The following CFAP299 variants were observed in gnomAD, a reference collection of about 807,000 sequenced individuals.
CFAP299 encodes the protein cilia and flagella associated protein 299.
Under a neutral mutation model 27.0 loss-of-function variants are expected in CFAP299, and 21 were observed. The observed-to-expected ratio is 0.78, with a 90% CI of 0.55 to 1.12. The LOEUF (loss-of-function observed/expected upper bound fraction) is 1.12. Ranked by LOEUF, CFAP299 falls within the 50% of genes most tolerant of loss-of-function variation. The pLI is 0.00. For synonymous variants in CFAP299, 104 were observed against 98.1 expected (o/e 1.06, Z -0.36); for missense variants, 310 against 276.6 (o/e 1.12, Z -0.86).
intron 1 of CFAP299, among the ~76,000 whole-genome samples, chr4:80,344,269 A>AG (rs1052246552): frequency 1.3e-4 from 20 of 151,950 alleles, no homozygotes; most frequent in African/African-American, 4.3e-4. Flanking sequence ...GTAAAAAAAA[A>AG]AGAGAGAGAG....
chr4:80,722,709 G>A (rs1208940110), intron 3 of CFAP299, among the ~76,000 whole-genome samples: 1 of 151,982 alleles, frequency 6.6e-6, no homozygotes, highest in South Asian at 2.1e-4. Flanking sequence ...GACCATCCTG[G>A]CTAACACGGT....
chr4:80,592,909 G>A (rs1736856286), intron 3 of CFAP299, among the ~76,000 whole-genome samples: 1 of 152,144 alleles, frequency 6.6e-6, no homozygotes, highest in Non-Finnish European at 1.5e-5. Flanking sequence ...CGGAAATTTA[G>A]CAATCATGTT....
intron 2 of CFAP299, among the ~76,000 whole-genome samples, chr4:80,439,705 C>G (rs576295835): frequency 1.8e-4 from 28 of 152,278 alleles, no homozygotes; most frequent in African/African-American, 6.3e-4. Context: ...CCATTCATTC[C>G]CCTGGAAAGG....
chr4:80,401,514 G>T (rs544663908), intron 2 of CFAP299, among the ~76,000 whole-genome samples: 1 of 152,348 alleles, frequency 6.6e-6, no homozygotes, highest in South Asian at 2.1e-4. Context: ...CTTCCACATG[G>T]TGTTGAGCCT....
intron 3 of CFAP299, among the ~76,000 whole-genome samples, chr4:80,807,542 C>G (rs1425786081): frequency 6.6e-6 from 1 of 152,038 alleles, no homozygotes; most frequent in Non-Finnish European, 1.5e-5. Flanking sequence ...TAAAATGTAT[C>G]AACTCTTAAT....
chr4:80,634,885 A>G (rs1373202514), intron 3 of CFAP299, among the ~76,000 whole-genome samples: 1 of 152,174 alleles, frequency 6.6e-6, no homozygotes, highest in Non-Finnish European at 1.5e-5. Flanking sequence ...CAACCAAACT[A>G]GAATTTGCTA....
intron 4 of CFAP299, among the ~76,000 whole-genome samples, chr4:80,923,294 A>G (rs1257063340): frequency 6.6e-6 from 1 of 151,922 alleles, no homozygotes; most frequent in Non-Finnish European, 1.5e-5. Context: ...TCACATACAC[A>G]CCCTGTGAAC....
chr4:80,743,698 G>A (rs1269810693), intron 3 of CFAP299, among the ~76,000 whole-genome samples: 3 of 152,066 alleles, frequency 2.0e-5, no homozygotes, highest in Non-Finnish European at 2.9e-5. Flanking sequence ...GCACTTATTA[G>A]GACAAATACC....
At chr4:80,435,978 AG>A (rs1328590089) in intron 2 of CFAP299, among the ~76,000 whole-genome samples, 2 of 152,158 alleles carry the variant, frequency 1.3e-5, no homozygotes, top group Admixed American at 1.3e-4. Context: ...ACCAGATGAG[AG>A]GGACTTTCAG....
intron 2 of CFAP299, among the ~76,000 whole-genome samples, chr4:80,562,778 C>T (rs974343739): frequency 1.3e-5 from 2 of 151,392 alleles, no homozygotes; most frequent in South Asian, 2.1e-4. Flanking sequence ...AATCCAGACC[C>T]ATTGATCTGT....
chr4:80,692,850 G>GA (rs1036611342), intron 3 of CFAP299, among the ~76,000 whole-genome samples: 1 of 151,824 alleles, frequency 6.6e-6, no homozygotes, highest in Non-Finnish European at 1.5e-5. Flanking sequence ...AAATTTACAA[G>GA]AAAAAAACAA....
At chr4:80,719,229 A>T (rs1722676856) in intron 3 of CFAP299, among the ~76,000 whole-genome samples, 1 of 152,128 alleles carries the variant, frequency 6.6e-6, no homozygotes, top group Non-Finnish European at 1.5e-5. Context: ...CTGTACAAAA[A>T]ACCCCCATGA....
At chr4:80,865,603 T>G (rs975574485) in intron 3 of CFAP299, among the ~76,000 whole-genome samples, 1 of 152,210 alleles carries the variant, frequency 6.6e-6, no homozygotes, top group African/African-American at 2.4e-5. Context: ...AATAATTTAA[T>G]AAAGCATTGT....
intron 3 of CFAP299, among the ~76,000 whole-genome samples, chr4:80,631,281 AATTC>A (rs1739192762): frequency 6.6e-6 from 1 of 152,018 alleles, no homozygotes; most frequent in African/African-American, 2.4e-5. Context: ...AGCATTATAT[AATTC>A]ATGTCTTATT....
At chr4:80,799,452 TA>T (rs1728131989) in intron 3 of CFAP299, among the ~76,000 whole-genome samples, 2 of 77,260 alleles carry the variant, frequency 2.6e-5, no homozygotes, top group Non-Finnish European at 4.5e-5. Flanking sequence ...TTATAAAATA[TA>T]TATAATATAT....
chr4:80,496,379 T>G (rs1277817150), intron 2 of CFAP299, among the ~76,000 whole-genome samples: 2 of 152,204 alleles, frequency 1.3e-5, no homozygotes, highest in Non-Finnish European at 2.9e-5. Context: ...TTCCACAGAT[T>G]CCTGGGGCAT....
intron 2 of CFAP299, among the ~76,000 whole-genome samples, chr4:80,498,029 C>T (rs1054546260): frequency 1.3e-5 from 2 of 151,830 alleles, no homozygotes; most frequent in African/African-American, 4.8e-5. Context: ...ATTCAGTAAA[C>T]GGTGCTAGCT....
At chr4:80,352,643 A>T (rs1176183142) in intron 1 of CFAP299, among the ~76,000 whole-genome samples, 1 of 152,202 alleles carries the variant, frequency 6.6e-6, no homozygotes, top group Non-Finnish European at 1.5e-5. Flanking sequence ...TGGGACATTT[A>T]TGAAGAAGGA....
intron 2 of CFAP299, chr4:80,386,180 ACT>A (rs1724969547): frequency 6.8e-6 from 5 of 735,114 alleles, no homozygotes; most frequent in Admixed American, 5.6e-5. Flanking sequence ...CGGGTCCGTC[ACT>A]CTGAGGCCTC....
Sources: gnomAD v4.1 joint callset for allele counts (sites outside exome capture counted in the v4.1 genomes callset) on GRCh38, gnomAD v4.1.1 for gene constraint, MANE v1.5 for transcripts, NCBI Gene and HGNC (gene_info 2026-07-23, HGNC 2026-07-21) for gene names.